FUBP1: variants seen among roughly 807,000 people sequenced by gnomAD.
FUBP1 encodes far upstream element binding protein 1, also known as far upstream element-binding protein 1.
Under a neutral mutation model 94.9 loss-of-function variants are expected in FUBP1, and 16 were observed. That is an observed-to-expected ratio of 0.17 (90% confidence interval 0.11 to 0.26). FUBP1 has a LOEUF of 0.26. FUBP1 is among the 10% of genes least tolerant of loss of function. FUBP1 has a pLI of 1.00. For synonymous variants in FUBP1, 279 were observed against 254.9 expected (o/e 1.09, Z -0.90); for missense variants, 583 against 808.6 (o/e 0.72, Z 3.38).
chr1:77,965,009 G>C, intron 8 of FUBP1, 41 bp from the exon 9 acceptor site: 1 of 1,591,060 alleles, frequency 6.3e-7, no homozygotes, highest in South Asian at 1.1e-5. Context: ...ACAAAAGGAA[G>C]TGGACAAAAA....
At position 77,946,837 on chromosome 1, in the gene FUBP1, A is replaced by C. The variant is rs1031420243; in HGVS notation, c.*1929T>G. 4.9e-6 allele frequency: 1 copy of C among 204,132 alleles called. No individual in the cohort carries two copies. Among genetic ancestry groups the C allele is most frequent in the African/African-American group, 2.3e-5 (1 of 43,724 alleles). 12.6% of individuals were successfully genotyped at this position (204,132 alleles called of 1,614,324 possible). A position where few individuals can be genotyped will look rare whatever the true frequency, so the allele number is the denominator to read the frequency against. ...CTCCTTAACTATTAAACTTCATACT[A>C]GAACTATATATGCAGATCTAAATAA... On this transcript the variant is annotated 3_prime_UTR_variant, in exon 20 of 20. Transcript: ENST00000370768.
chr1:77,958,803 C>T (rs568236216), intron 16 of FUBP1, among the ~76,000 whole-genome samples: 3 of 152,222 alleles, frequency 2.0e-5, no homozygotes, highest in Non-Finnish European at 4.4e-5. Context: ...CAATATGAAT[C>T]TGCCTTTTAA....
intron 10 of FUBP1, 62 bp downstream of exon 10, chr1:77,964,584 G>T: frequency 1.0e-6 from 1 of 957,632 alleles, no homozygotes. Flanking sequence ...ACACAAAACA[G>T]AAAACACTAT....
chr1:77,955,437 G>A (rs546660687), intron 17 of FUBP1, 108 bp from the exon 18 acceptor site: 1 of 679,146 alleles, frequency 1.5e-6, no homozygotes, highest in Admixed American at 2.4e-5. Flanking sequence ...GTGACAGTGA[G>A]GGTAGGAGGG....
In FUBP1 at chr1:77,947,923, GT is replaced by G; in HGVS notation, c.*842del. On this transcript the variant is annotated 3_prime_UTR_variant, in exon 20 of 20. Transcript: ENST00000370768. Reference sequence around the variant, plus strand: ...CACTAACATTATATACATTGAAAGAGTTGCTTCACATGGAAAAAAACTGTTC... The same window carrying G: ...CACTAACATTATATACATTGAAAGAGTGCTTCACATGGAAAAAAACTGTTC... 1 of 984,884 alleles carries G rather than the reference GT, an allele frequency of 1.0e-6. No homozygotes were observed. Among genetic ancestry groups the G allele is most frequent in the Non-Finnish European group, 1.2e-6 (1 of 804,272 alleles). The allele number at this position is 984,884 out of a possible 1,614,324, so 61.0% of individuals were successfully genotyped here.
chr1:77,959,445 A>G (rs1430380939), intron 16 of FUBP1, among the ~76,000 whole-genome samples: 1 of 152,224 alleles, frequency 6.6e-6, no homozygotes, highest in Non-Finnish European at 1.5e-5. Context: ...TATGAGGAGT[A>G]CTAGAACAGA....
At chr1:77,969,612 TTA>T (rs1046036868) in intron 2 of FUBP1, among the ~76,000 whole-genome samples, 9 of 152,214 alleles carry the variant, frequency 5.9e-5, no homozygotes, top group South Asian at 2.1e-4. Context: ...TCTAAGCAAT[TTA>T]TATGTTTTTT....
chr1:77,966,978 T>C, intron 5 of FUBP1, 23 bp from the exon 6 acceptor site: 1 of 1,574,398 alleles, frequency 6.4e-7, no homozygotes, highest in Non-Finnish European at 8.7e-7. Flanking sequence ...AAAAAAATTT[T>C]TTTTTTGGTT....
Position 77,962,763 on chromosome 1 carries a change from T to G in FUBP1, c.1344+7A>C, listed in dbSNP as rs763154932. ...CACTAAAAATTAAAAGTTTAAAGTA[T>G]ACTCACACCAATCTTTTCTTCTATG... On this transcript the variant is annotated splice_region_variant and intron_variant, in intron 14 of 19. Transcript: ENST00000370768. 1.2e-6 allele frequency: 2 copies of G among 1,601,798 alleles called. No homozygotes were observed. Among genetic ancestry groups the G allele is most frequent in the South Asian group, 2.2e-5 (2 of 90,342 alleles).
chr1:77,950,294 T>G (rs900521591), intron 18 of FUBP1, among the ~76,000 whole-genome samples: 4 of 152,164 alleles, frequency 2.6e-5, no homozygotes, highest in Non-Finnish European at 5.9e-5. Context: ...CTAGAGTAGC[T>G]GGGACTACAG....
At chr1:77,976,994 TATA>T (rs780068889) in intron 1 of FUBP1, among the ~76,000 whole-genome samples, 2 of 152,232 alleles carry the variant, frequency 1.3e-5, no homozygotes, top group South Asian at 2.1e-4. Context: ...TCTTTCATTT[TATA>T]ATGTCTTGCT....
At chr1:77,977,698 T>C (rs1658940419) in intron 1 of FUBP1, among the ~76,000 whole-genome samples, 1 of 152,252 alleles carries the variant, frequency 6.6e-6, no homozygotes, top group Admixed American at 6.5e-5. Flanking sequence ...AGTTATATGC[T>C]TGTTGCTAAA....
intron 7 of FUBP1, among the ~76,000 whole-genome samples, chr1:77,965,625 G>A (rs1316268293): frequency 6.6e-6 from 1 of 152,198 alleles, no homozygotes; most frequent in East Asian, 1.9e-4. Flanking sequence ...TATCAACTAT[G>A]TGCAGGTGCT....
intron 16 of FUBP1, among the ~76,000 whole-genome samples, chr1:77,958,924 G>C (rs1424805122): frequency 1.3e-5 from 2 of 152,158 alleles, no homozygotes; most frequent in Non-Finnish European, 2.9e-5. Flanking sequence ...ATTATATCCT[G>C]TACCCTGTGA....
intron 18 of FUBP1, among the ~76,000 whole-genome samples, chr1:77,951,770 G>A (rs966908980): frequency 6.6e-6 from 1 of 152,136 alleles, no homozygotes; most frequent in East Asian, 1.9e-4. Flanking sequence ...GAGTTAGCTT[G>A]CAAGATTCTA....
At chr1:77,967,745 A>G (rs1414248959) in intron 3 of FUBP1, 79 bp from the exon 4 acceptor site, 2 of 848,672 alleles carry the variant, frequency 2.4e-6, no homozygotes, top group Admixed American at 4.4e-5. Flanking sequence ...CAATCACATC[A>G]AACATTCAAA....
rs781484978 is a variant in FUBP1, at chr1:77,968,252, T to A, written c.212-49A>T. On this transcript the variant is annotated intron_variant, in intron 2 of 19. Transcript: ENST00000370768. The stretch of plus-strand genomic sequence containing the variant: ...TTTTTTGCCAATTAAGTACAAAGCT[T>A]CTCCCCTCCCAAACAAGAATAAATA... The A allele has an allele frequency of 7.3e-6, 7 of 964,756 alleles. No individual in the cohort carries two copies. The South Asian group carries it at 1.1e-4, about 15-fold the overall frequency. 59.8% of individuals were successfully genotyped at this position (964,756 alleles called of 1,614,324 possible).
intron 1 of FUBP1, among the ~76,000 whole-genome samples, chr1:77,972,389 GAGAAA>G (rs1657729802): frequency 6.6e-6 from 1 of 152,058 alleles, no homozygotes; most frequent in African/African-American, 2.4e-5. Flanking sequence ...CTTCTATACA[GAGAAA>G]AGACACTTAT....
intron 10 of FUBP1, 101 bp from the exon 11 acceptor site, chr1:77,964,457 A>G (rs1656097557): frequency 2.7e-6 from 2 of 747,294 alleles, no homozygotes; most frequent in African/African-American, 3.6e-5. Flanking sequence ...ATCTGCCTCA[A>G]ATCATAAAAG....
Sources: allele counts gnomAD v4.1 joint callset (sites outside exome capture counted in the v4.1 genomes callset), GRCh38; gene constraint gnomAD v4.1.1; transcripts MANE v1.5; gene names NCBI Gene and HGNC (gene_info 2026-07-23, HGNC 2026-07-21).